RNF145: variants seen among roughly 807,000 people sequenced by gnomAD.
The protein encoded by RNF145 is ring finger protein 145.
A neutral mutation model predicts 57.3 loss-of-function variants in RNF145; 12 were observed. That is an observed-to-expected ratio of 0.21 (90% CI 0.13 to 0.34). The LOEUF is 0.34. Ranked by LOEUF, RNF145 falls within the 10% of genes least tolerant of loss-of-function variation. The pLI is 1.00. For missense variants in RNF145, 429 were observed against 799.0 expected (o/e 0.54, Z 5.58); for synonymous variants, 262 against 288.3 (o/e 0.91, Z 0.92).
chr5:159,186,060 CA>C (rs1785042985), intron 3 of RNF145, among the ~76,000 whole-genome samples: 1 of 152,066 alleles, frequency 6.6e-6, no homozygotes, highest in Non-Finnish European at 1.5e-5. Context: ...TCCGACTCTA[CA>C]AAACAAAAAA....
At position 159,201,078 on chromosome 5, in the gene RNF145, C is replaced by T. The variant is rs115660338; in HGVS notation, c.184+2356G>A. Among the ~76,000 whole-genome samples, 997 of 152,188 alleles carry T rather than the reference C, an allele frequency of 6.6e-3. 5 individuals are homozygous for T. The highest frequency in any genetic ancestry group is 0.01 in the Non-Finnish European group (694 of 68,002). ...AACACTACAAATATATATAAGTTAA[C>T]CCTTGAACAACATAGGATGGAACTG... On this transcript the variant is annotated intron_variant, in intron 2 of 10. Coordinates refer to ENST00000424310, the MANE Select transcript of RNF145 (RefSeq NM_001199383.2).
chr5:159,206,686 G>A (rs1025581450), intron 1 of RNF145, among the ~76,000 whole-genome samples: 3 of 152,038 alleles, frequency 2.0e-5, no homozygotes, highest in African/African-American at 7.2e-5. Flanking sequence ...AAAGTACAGG[G>A]GAGCTCAATA....
Position 159,168,864 on chromosome 5 carries a change from G to T in RNF145, c.1121+9C>A, listed in dbSNP as rs1562051149. The T allele has an allele frequency of 6.7e-7, 1 of 1,497,104 alleles. No individual in the cohort carries two copies. Among genetic ancestry groups the T allele is most frequent in the East Asian group, 2.4e-5 (1 of 42,026 alleles). The allele number at this position is 1,497,104 out of a possible 1,614,324, so 92.7% of individuals were successfully genotyped here. A position where few individuals can be genotyped will look rare whatever the true frequency, so the allele number is the denominator to read the frequency against. ...GAGTTAATTTAAAGAATATTAAGAG[G>T]TTTCTTACTTGTCTCTAGATGCTCC... is the stretch of plus-strand genomic sequence containing the variant. On this transcript the variant is annotated intron_variant, in intron 8 of 10. Transcript: ENST00000424310.
intron 5 of RNF145, among the ~76,000 whole-genome samples, chr5:159,175,617 T>G (rs538138503): frequency 3.3e-5 from 5 of 152,264 alleles, no homozygotes; most frequent in Admixed American, 2.6e-4. Context: ...TGCTTCCCCA[T>G]GAAGCCACTC....
At position 159,174,149 on chromosome 5, in the gene RNF145, C is replaced by T; in HGVS notation, c.631G>A (p.Val211Ile). ...AYRELVQVVEVYGLLALGMSL... is the reference protein window; with the variant it reads ...AYRELVQVVEIYGLLALGMSL... ...ATTCCCAAGGCGAGAAGGCCATATA[C>T]CTCCACTACCTAAATAAAAACGTAA... Residue 211 changes from valine to isoleucine, a missense_variant, in exon 6 of 11, where the codon GTA (valine) becomes ATA (isoleucine). Physicochemically the swap from Val to Ile is conservative, Grantham distance 29 (BLOSUM62 3). Around this residue, in one of 4 missense-constraint regions of RNF145, gnomAD observed 216 missense variants for 457.6 expected, o/e 0.47. Transcript: ENST00000424310. 1 of 1,597,120 alleles carries T rather than the reference C, an allele frequency of 6.3e-7. No homozygotes were observed. Among genetic ancestry groups the T allele is most frequent in the Non-Finnish European group, 8.5e-7 (1 of 1,173,560 alleles).
At chr5:159,206,337 G>T (rs1055077615) in intron 1 of RNF145, among the ~76,000 whole-genome samples, 1 of 152,018 alleles carries the variant, frequency 6.6e-6, no homozygotes, top group Non-Finnish European at 1.5e-5. Flanking sequence ...AGGCACTGAC[G>T]AAACAAATTT....
intron 4 of RNF145, 54 bp downstream of exon 4, chr5:159,181,906 G>T: frequency 3.0e-6 from 3 of 1,003,016 alleles, no homozygotes; most frequent in Admixed American, 2.1e-5. Context: ...AATTTTATAA[G>T]TTAGTAAGAC....
intron 3 of RNF145, among the ~76,000 whole-genome samples, chr5:159,184,507 T>G (rs77903499): frequency 0.012 from 1,766 of 152,328 alleles, 30 homozygotes; most frequent in African/African-American, 0.038. Flanking sequence ...ATTATTTAAT[T>G]ATGATGATGA....
intron 5 of RNF145, among the ~76,000 whole-genome samples, chr5:159,174,547 A>G (rs1784654169): frequency 6.6e-6 from 1 of 151,976 alleles, no homozygotes; most frequent in Non-Finnish European, 1.5e-5. Flanking sequence ...AGGCACTAGG[A>G]AAAAAAATGC....
chr5:159,163,461 C>T (rs961305719), intron 8 of RNF145, among the ~76,000 whole-genome samples: 6 of 152,158 alleles, frequency 3.9e-5, no homozygotes, highest in African/African-American at 1.4e-4. Flanking sequence ...CTTATGACAC[C>T]CTCTTCCCAC....
At chr5:159,168,658 T>G (rs1784457256) in intron 8 of RNF145, among the ~76,000 whole-genome samples, 1 of 152,148 alleles carries the variant, frequency 6.6e-6, no homozygotes, top group Non-Finnish European at 1.5e-5. Flanking sequence ...ATGTCATTTT[T>G]AACTAAAAAA....
chr5:159,209,829 G>C, upstream of RNF145: 1 of 1,534,674 alleles, frequency 6.5e-7, no homozygotes, highest in Non-Finnish European at 8.7e-7. Context: ...ACCACGGGCC[G>C]CAAGCGCTCA....
At position 159,174,099 on chromosome 5, in the gene RNF145, G is replaced by A. The variant is rs1397903874; in HGVS notation, c.681C>T (p.Val227=). The change falls in exon 6 of 11, where the codon GTC becomes GTT. Residue 227 remains valine (V), a synonymous_variant. Coordinates refer to ENST00000424310, the MANE Select transcript of RNF145 (RefSeq NM_001199383.2). The part of the protein sequence containing the change: ...LGMSLWNQLV[V]PVLFMVFWLV... ...GCCAGAAAACCATGAAAAGAACAGG[G>A]ACTACCAGTTGATTCCACAGGGACA... The A allele has an allele frequency of 7.4e-6, 12 of 1,613,508 alleles. No individual in the cohort carries two copies. Among genetic ancestry groups the A allele is most frequent in the Non-Finnish European group, 1.0e-5 (12 of 1,179,622 alleles).
intron 3 of RNF145, among the ~76,000 whole-genome samples, chr5:159,190,102 G>A (rs942028378): frequency 1.3e-5 from 2 of 152,164 alleles, no homozygotes; most frequent in East Asian, 1.9e-4. Flanking sequence ...GAGTGCAGTG[G>A]CACAATCCCA....
chr5:159,208,706 G>A (rs1043856026), intron 1 of RNF145, among the ~76,000 whole-genome samples: 1 of 152,110 alleles, frequency 6.6e-6, no homozygotes, highest in Non-Finnish European at 1.5e-5. Context: ...AGAGGGAGGG[G>A]AGCTTGGAAG....
intron 3 of RNF145, among the ~76,000 whole-genome samples, chr5:159,192,064 A>C (rs185759284): frequency 0.018 from 2,760 of 152,018 alleles, 38 homozygotes; most frequent in Non-Finnish European, 0.025. Context: ...AAAAAAAAAA[A>C]CTGCAATTGG....
Position 159,169,877 on chromosome 5 carries a change from T to C in RNF145, c.798-58A>G, listed in dbSNP as rs1315248608. ...AAACTTTCCATTTGGAGTAAACACATTTGAGGCCTTTAAATAATCACCAAG... is the reference window on the plus strand; with the variant it reads ...AAACTTTCCATTTGGAGTAAACACACTTGAGGCCTTTAAATAATCACCAAG... On this transcript the variant is annotated intron_variant, in intron 6 of 10. Coordinates refer to ENST00000424310, the MANE Select transcript of RNF145 (RefSeq NM_001199383.2). 4.4e-6 allele frequency: 6 copies of C among 1,353,474 alleles called. No individual in the cohort carries two copies. In the East Asian group the frequency reaches 7.8e-5, roughly 18 times the overall value. The allele number at this position is 1,353,474 out of a possible 1,614,324, so 83.8% of individuals were successfully genotyped here. A position where few individuals can be genotyped will look rare whatever the true frequency, so the allele number is the denominator to read the frequency against.
chr5:159,181,934 CA>C, intron 4 of RNF145, 25 bp downstream of exon 4: 1 of 1,356,388 alleles, frequency 7.4e-7, no homozygotes, highest in Admixed American at 1.7e-5. Flanking sequence ...TTCCTACCTA[CA>C]CTTTAATTCT....
At chr5:159,203,403 G>T in intron 2 of RNF145, 31 bp downstream of exon 2, 1 of 1,442,826 alleles carries the variant, frequency 6.9e-7, no homozygotes, top group Non-Finnish European at 9.8e-7. Flanking sequence ...ATGCTCACTA[G>T]AAGATTAGAA....
Sources: gnomAD v4.1 joint callset for allele counts (sites outside exome capture counted in the v4.1 genomes callset) on GRCh38, gnomAD v4.1.1 for gene constraint, gnomAD v4.1.1 regional missense constraint, MANE v1.5 for transcripts, NCBI Gene and HGNC (gene_info 2026-07-23, HGNC 2026-07-21) for gene names.